Variants in TFAP2E observed in about 807,000 individuals in gnomAD.
TFAP2E encodes the protein transcription factor AP-2-epsilon.
Under a neutral mutation model 37.9 loss-of-function variants are expected in TFAP2E, and 30 were observed. The ratio of observed to expected loss-of-function variants is 0.79; its 90% CI spans 0.59 to 1.07. The LOEUF is 1.07. Among genes scored for constraint, TFAP2E ranks in the 50% least tolerant of loss-of-function variants. TFAP2E has a pLI of 0.00. For synonymous variants in TFAP2E, 318 were observed against 295.8 expected, an observed-to-expected ratio of 1.08 and a Z score of -0.77; for missense variants, 567 against 637.9, an observed-to-expected ratio of 0.89 and a Z score of 1.20.
At chr1:35,579,939 G>A (rs1182139524) in intron 3 of TFAP2E, among the ~76,000 whole-genome samples, 1 of 152,052 alleles carries the variant, frequency 6.6e-6, no homozygotes, top group Admixed American at 6.6e-5. Flanking sequence ...GGGCGCAGTG[G>A]CTTATGCCTG....
chr1:35,584,573 A>C (rs1315814371), intron 3 of TFAP2E, among the ~76,000 whole-genome samples: 2 of 151,266 alleles, frequency 1.3e-5, no homozygotes, highest in Non-Finnish European at 2.9e-5. Flanking sequence ...TTTTTGAGAC[A>C]GGGTCTCACT....
At chr1:35,586,603 G>A (rs549716981) in intron 3 of TFAP2E, among the ~76,000 whole-genome samples, 19 of 152,240 alleles carry the variant, frequency 1.2e-4, no homozygotes, top group African/African-American at 2.9e-4. Flanking sequence ...AATGAAAGTC[G>A]TAGGATGGGC....
In TFAP2E at chr1:35,588,578, C is replaced by T. The variant is rs749653789; in HGVS notation, c.785+26C>T. On this transcript the variant is annotated intron_variant, in intron 4 of 6. Coordinates refer to ENST00000373235, the MANE Select transcript of TFAP2E (RefSeq NM_178548.4). This position sits in a 1 kb window ranked among gnomAD's most constrained non-coding sequence, Gnocchi z 5.1. The stretch of plus-strand genomic sequence containing the variant: ...GTAGGAAGGCCAGCCCACAATTCCC[C>T]GCCTGATTGGATCCCTGGCCTCTTC... The T allele has an allele frequency of 2.1e-5, 32 of 1,544,922 alleles. No individual in the cohort carries two copies. Among genetic ancestry groups the T allele is most frequent in the Middle Eastern group, 2.1e-4 (1 of 4,722 alleles).
intron 3 of TFAP2E, among the ~76,000 whole-genome samples, chr1:35,575,354 C>T (rs1557432144): frequency 6.6e-6 from 1 of 152,256 alleles, no homozygotes. Context: ...GCTGTTCCCA[C>T]GGAGTTGGGG....
chr1:35,594,252 A>G (rs1649765150), intron 6 of TFAP2E, 142 bp from the exon 7 acceptor site: 1 of 1,076,514 alleles, frequency 9.3e-7, no homozygotes, highest in Non-Finnish European at 1.3e-6. Flanking sequence ...TTTCTGTAAA[A>G]AACAGTATGG....
intron 6 of TFAP2E, among the ~76,000 whole-genome samples, chr1:35,593,233 C>T (rs1048785933): frequency 1.3e-5 from 2 of 151,850 alleles, no homozygotes; most frequent in African/African-American, 2.4e-5. Context: ...CCCAGCTACT[C>T]GGGAGGCTGA....
chr1:35,581,886 AT>A (rs1266701504), intron 3 of TFAP2E, among the ~76,000 whole-genome samples: 1 of 124,428 alleles, frequency 8.0e-6, no homozygotes, highest in Non-Finnish European at 1.7e-5. Context: ...TTATTTATTT[AT>A]TGTTTTGAGA....
chr1:35,588,248 C>A lies in TFAP2E; in HGVS notation c.563-82C>A. ...CTCACTGTGGCTCAGTTTCTCCCTT[C>A]ATAAAGCAAGGATACCAGACCCTCC... On this transcript the variant is annotated intron_variant, in intron 3 of 6. Coordinates refer to ENST00000373235, the MANE Select transcript of TFAP2E (RefSeq NM_178548.4). The surrounding 1 kb of genome is among the most constrained non-coding windows in gnomAD (Gnocchi z 5.1). The A allele has an allele frequency of 2.1e-6, 3 of 1,405,482 alleles. No individual in the cohort carries two copies. The highest frequency in any genetic ancestry group is 2.9e-6 in the Non-Finnish European group (3 of 1,039,836). The allele number at this position is 1,405,482 out of a possible 1,614,324, so 87.1% of individuals were successfully genotyped here. A position where few individuals can be genotyped will look rare whatever the true frequency, so the allele number is the denominator to read the frequency against.
chr1:35,576,355 G>A (rs1484931963), intron 3 of TFAP2E, among the ~76,000 whole-genome samples: 2 of 152,170 alleles, frequency 1.3e-5, no homozygotes, highest in Non-Finnish European at 2.9e-5. Flanking sequence ...GGGAGTGTGG[G>A]AAAGACACTA....
At chr1:35,575,542 C>T (rs1328028494) in intron 3 of TFAP2E, among the ~76,000 whole-genome samples, 1 of 152,142 alleles carries the variant, frequency 6.6e-6, no homozygotes, top group Non-Finnish European at 1.5e-5. Flanking sequence ...GCTGTGTGCA[C>T]CTGAGTCAGG....
At chr1:35,592,739 A>C (rs1294653180) in intron 6 of TFAP2E, among the ~76,000 whole-genome samples, 1 of 152,204 alleles carries the variant, frequency 6.6e-6, no homozygotes, top group Admixed American at 6.5e-5. Context: ...GGGAAGTTCA[A>C]GGTCAAGGCA....
At chr1:35,585,370 T>G (rs984757002) in intron 3 of TFAP2E, among the ~76,000 whole-genome samples, 1 of 152,220 alleles carries the variant, frequency 6.6e-6, no homozygotes, top group African/African-American at 2.4e-5. Context: ...TGTGTCTTGC[T>G]TGGCGGGACT....
chr1:35,574,381 C>G lies in TFAP2E; in HGVS notation c.482C>G (p.Ala161Gly), dbSNP rs573787324. 5.6e-6 allele frequency: 8 copies of G among 1,435,538 alleles called. No homozygotes were observed. Among genetic ancestry groups the G allele is most frequent in the East Asian group, 5.8e-5 (2 of 34,642 alleles). The allele number at this position is 1,435,538 out of a possible 1,614,324, so 88.9% of individuals were successfully genotyped here. A position where few individuals can be genotyped will look rare whatever the true frequency, so the allele number is the denominator to read the frequency against. Residue 161 changes from alanine (A) to glycine (G), a missense_variant, in exon 2 of 7, where the codon GCG becomes GGG. Transcript: ENST00000373235. ...ADAPLGLPGL[A>G]AAPGLEDLQA... Reference sequence around the variant, plus strand: ...GCACCTCTCGGCCTTCCGGGGCTGGCGGCGGCCCCCGGTCTGGAGGACCTG... The same window carrying G: ...GCACCTCTCGGCCTTCCGGGGCTGGGGGCGGCCCCCGGTCTGGAGGACCTG...
Position 35,573,447 on chromosome 1 carries a change from C to G in TFAP2E, c.-131C>G. The G allele has an allele frequency of 8.0e-7, 1 of 1,250,876 alleles. No homozygotes were observed. The highest frequency in any genetic ancestry group is 1.0e-6 in the Non-Finnish European group (1 of 960,640). The allele number at this position is 1,250,876 out of a possible 1,614,324, so 77.5% of individuals were successfully genotyped here. A position where few individuals can be genotyped will look rare whatever the true frequency, so the allele number is the denominator to read the frequency against. ...GACCCCACGCCCACTAGGATCCCGG[C>G]TGGGTCGCACCCAGCTACCGCACCG... On this transcript the variant is annotated 5_prime_UTR_variant, in exon 1 of 7. Transcript: ENST00000373235. This position sits in a 1 kb window ranked among gnomAD's most constrained non-coding sequence, Gnocchi z 5.9.
chr1:35,577,082 T>C lies in TFAP2E; in HGVS notation c.562+2082T>C, dbSNP rs1649200391. Among the ~76,000 whole-genome samples, 1 of 152,172 alleles carries C rather than the reference T, an allele frequency of 6.6e-6. No individual in the cohort carries two copies. The highest frequency in any genetic ancestry group is 2.4e-5 in the African/African-American group (1 of 41,452). On this transcript the variant is annotated intron_variant, in intron 3 of 6. Coordinates refer to ENST00000373235, the MANE Select transcript of TFAP2E (RefSeq NM_178548.4). The surrounding 1 kb of genome is among the most constrained non-coding windows in gnomAD (Gnocchi z 6.3). ...TGGCCCAGTGGAGCGAGTGGAGCGCTGGCGACCTGAGCGGAGACTGCGCCC... is the reference window on the plus strand; with the variant it reads ...TGGCCCAGTGGAGCGAGTGGAGCGCCGGCGACCTGAGCGGAGACTGCGCCC...
At position 35,590,583 on chromosome 1, in the gene TFAP2E, T is replaced by C. The variant is rs1649633798; in HGVS notation, c.905-51T>C. On this transcript the variant is annotated intron_variant, in intron 5 of 6. Coordinates refer to ENST00000373235, the MANE Select transcript of TFAP2E (RefSeq NM_178548.4). This position sits in a 1 kb window ranked among gnomAD's most constrained non-coding sequence, Gnocchi z 6.2. ...AGGGGGTCAGAGGTTCAAAGCTGTG[T>C]TCCAGGCGCAGAGGTACACCCTGCA... 2 of 1,414,102 alleles carry C rather than the reference T, an allele frequency of 1.4e-6. No homozygotes were observed. Among genetic ancestry groups the C allele is most frequent in the Non-Finnish European group, 1.9e-6 (2 of 1,073,584 alleles). The allele number at this position is 1,414,102 out of a possible 1,614,324, so 87.6% of individuals were successfully genotyped here. A position where few individuals can be genotyped will look rare whatever the true frequency, so the allele number is the denominator to read the frequency against.
chr1:35,575,151 C>T (rs1649134164), intron 3 of TFAP2E, 151 bp downstream of exon 3: 7 of 1,041,328 alleles, frequency 6.7e-6, no homozygotes, highest in South Asian at 2.9e-5. Flanking sequence ...GTTAGGCAGA[C>T]GTGCGGGCTT....
intron 3 of TFAP2E, among the ~76,000 whole-genome samples, chr1:35,576,029 G>A (rs745658544): frequency 9.2e-5 from 14 of 152,208 alleles, no homozygotes; most frequent in Non-Finnish European, 1.6e-4. Context: ...GCAGGTGCCC[G>A]AAAGAATTCA....
intron 4 of TFAP2E, 45 bp from the exon 5 acceptor site, chr1:35,589,885 C>A: frequency 6.2e-7 from 1 of 1,603,734 alleles, no homozygotes; most frequent in South Asian, 1.1e-5. Flanking sequence ...ATGCGTTTCT[C>A]TTGTCTTCAT....
Sources: gnomAD v4.1 joint callset for allele counts (sites outside exome capture counted in the v4.1 genomes callset) on GRCh38, gnomAD v4.1.1 for gene constraint, Gnocchi (gnomAD v3.1) non-coding constraint, MANE v1.5 for transcripts, NCBI Gene and HGNC (gene_info 2026-07-23, HGNC 2026-07-21) for gene names.